The following TERF1 variants were observed in gnomAD, a reference collection of about 807,000 sequenced individuals.
The protein encoded by TERF1 is telomeric repeat-binding factor 1.
Under a neutral mutation model 55.1 loss-of-function variants are expected in TERF1, and 20 were observed. That is an observed-to-expected ratio of 0.36 (90% CI 0.26 to 0.53). TERF1 has a LOEUF of 0.53. Among genes scored for constraint, TERF1 ranks in the 20% least tolerant of loss-of-function variants. The pLI is 0.91. For synonymous variants in TERF1, 168 were observed against 181.2 expected, an observed-to-expected ratio of 0.93 and a Z score of 0.59; for missense variants, 439 against 535.7, an observed-to-expected ratio of 0.82 and a Z score of 1.78.
intron 9 of TERF1, among the ~76,000 whole-genome samples, chr8:73,040,056 C>T (rs1245513799): frequency 7.0e-6 from 1 of 142,930 alleles, no homozygotes; most frequent in African/African-American, 2.7e-5. Context: ...TGAGGTGCTG[C>T]AGATAGTGTC....
chr8:73,018,394 G>A (rs541994999), intron 2 of TERF1, among the ~76,000 whole-genome samples: 3 of 152,220 alleles, frequency 2.0e-5, no homozygotes, highest in African/African-American at 2.4e-5. Flanking sequence ...CTCTTTATTC[G>A]GTCGGGCTTG....
chr8:73,037,668 TTA>T (rs1809608752), intron 8 of TERF1, among the ~76,000 whole-genome samples: 1 of 16,298 alleles, frequency 6.1e-5, no homozygotes, highest in African/African-American at 1.5e-4. Flanking sequence ...TATAATAATA[TTA>T]TATTATATAT....
chr8:73,026,188 G>C (rs1304860614), intron 5 of TERF1, among the ~76,000 whole-genome samples: 1 of 149,380 alleles, frequency 6.7e-6, no homozygotes, highest in Non-Finnish European at 1.5e-5. Flanking sequence ...GACAAAGTGA[G>C]ACTTGTCTCA....
At chr8:73,017,573 G>A (rs1808563024) in intron 2 of TERF1, among the ~76,000 whole-genome samples, 1 of 152,186 alleles carries the variant, frequency 6.6e-6, no homozygotes, top group South Asian at 2.1e-4. Context: ...GCCCCAATTT[G>A]GATGACTTCT....
At chr8:73,017,039 G>A (rs1333335935) in intron 2 of TERF1, among the ~76,000 whole-genome samples, 1 of 152,104 alleles carries the variant, frequency 6.6e-6, no homozygotes, top group African/African-American at 2.4e-5. Context: ...TTTTCTAGCT[G>A]TAGTGTGAGT....
intron 2 of TERF1, among the ~76,000 whole-genome samples, chr8:73,020,189 T>C (rs539672928): frequency 6.6e-6 from 1 of 152,356 alleles, no homozygotes; most frequent in Middle Eastern, 3.4e-3. Flanking sequence ...ATTTGCTAAT[T>C]AGTTATCAGC....
At chr8:73,037,824 T>C (rs1809649789) in intron 8 of TERF1, among the ~76,000 whole-genome samples, 1 of 104,398 alleles carries the variant, frequency 9.6e-6, no homozygotes, top group East Asian at 2.2e-4. Context: ...ATATATAATA[T>C]ATAGTATAAT....
At chr8:73,040,727 T>C (rs531223770) in intron 9 of TERF1, among the ~76,000 whole-genome samples, 6 of 152,330 alleles carry the variant, frequency 3.9e-5, no homozygotes, top group African/African-American at 1.4e-4. Context: ...GTTCCCATTA[T>C]GATTCCAAAT....
intron 8 of TERF1, among the ~76,000 whole-genome samples, chr8:73,036,818 TTATATATAAATA>T (rs1809530859): frequency 6.8e-6 from 1 of 146,102 alleles, no homozygotes; most frequent in Admixed American, 7.0e-5. Context: ...ATTATTGTAG[TTATATATAAATA>T]TATATAATAT....
intron 2 of TERF1, among the ~76,000 whole-genome samples, chr8:73,019,209 G>C (rs9298213): frequency 0.37 from 56,700 of 151,738 alleles, 11,502 homozygotes; most frequent in Non-Finnish European, 0.46. Flanking sequence ...CCTCAGATGT[G>C]GTGTGGGGGT....
intron 9 of TERF1, among the ~76,000 whole-genome samples, chr8:73,040,880 G>A (rs967871786): frequency 3.9e-5 from 6 of 151,952 alleles, no homozygotes; most frequent in African/African-American, 1.5e-4. Flanking sequence ...TGTTTAATCT[G>A]CTTATGAGCC....
rs866286486 is a variant in TERF1, at chr8:73,044,531, G to A, written c.1144-1430G>A. The stretch of plus-strand genomic sequence containing the variant: ...AATTGAACTGGATTTTTTTTTCTTC[G>A]ATTATAGTAAAGTACACATGATATA... On this transcript the variant is annotated intron_variant, in intron 9 of 9. Coordinates refer to ENST00000276603, the MANE Select transcript of TERF1 (RefSeq NM_017489.3). Among the ~76,000 whole-genome samples, 8 of 151,248 alleles carry A rather than the reference G, an allele frequency of 5.3e-5. No individual in the cohort carries two copies. In the South Asian group the frequency reaches 6.3e-4, roughly 12 times the overall value.
At position 73,030,524 on chromosome 8, in the gene TERF1, A is replaced by C. The variant is rs531744339; in HGVS notation, c.947+129A>C. 1.4e-5 allele frequency: 8 copies of C among 557,232 alleles called. No homozygotes were observed. In the South Asian group the frequency reaches 3.2e-4, roughly 22 times the overall value. The allele number at this position is 557,232 out of a possible 1,614,324, so 34.5% of individuals were successfully genotyped here. A position where few individuals can be genotyped will look rare whatever the true frequency, so the allele number is the denominator to read the frequency against. ...ATATCTCAGGGTCCTAGTTAGCCCAACAGATAGTCACGACTCTGAGACATC... is the reference window on the plus strand; with the variant it reads ...ATATCTCAGGGTCCTAGTTAGCCCACCAGATAGTCACGACTCTGAGACATC... On this transcript the variant is annotated intron_variant, in intron 7 of 9. Coordinates refer to ENST00000276603, the MANE Select transcript of TERF1 (RefSeq NM_017489.3).
chr8:73,014,142 TAC>T (rs967019209), intron 2 of TERF1, 152 bp downstream of exon 2: 7 of 562,038 alleles, frequency 1.2e-5, no homozygotes, highest in Non-Finnish European at 2.2e-5. Context: ...TGTGTACACA[TAC>T]AGTCATATCT....
intron 8 of TERF1, among the ~76,000 whole-genome samples, chr8:73,033,230 G>A (rs1051782237): frequency 3.9e-5 from 6 of 151,910 alleles, no homozygotes; most frequent in African/African-American, 9.7e-5. Flanking sequence ...TGTAAATAGA[G>A]TTCTAAAATA....
At chr8:73,023,603 T>TGGG (rs1291179049) in intron 4 of TERF1, among the ~76,000 whole-genome samples, 3 of 152,136 alleles carry the variant, frequency 2.0e-5, no homozygotes, top group Non-Finnish European at 4.4e-5. Context: ...CATAGCACTA[T>TGGG]GAGACTACTG....
chr8:73,010,033 T>C (rs1003217202), intron 1 of TERF1: 1 of 152,130 alleles, frequency 6.6e-6, no homozygotes, highest in African/African-American at 2.4e-5. Flanking sequence ...AGCTGTAAGA[T>C]TACAGGTATG....
At chr8:73,010,200 C>CA (rs1355085887) in intron 1 of TERF1, 1 of 152,218 alleles carries the variant, frequency 6.6e-6, no homozygotes. Flanking sequence ...TGACACATTT[C>CA]ATCTTCACCA....
At chr8:73,020,471 ATGTT>A (rs1329994685) in intron 2 of TERF1, among the ~76,000 whole-genome samples, 2 of 152,282 alleles carry the variant, frequency 1.3e-5, no homozygotes, top group African/African-American at 4.8e-5. Flanking sequence ...AAATCTTCAA[ATGTT>A]TGTAATCTCA....
Sources: allele counts gnomAD v4.1 joint callset (sites outside exome capture counted in the v4.1 genomes callset), GRCh38; gene constraint gnomAD v4.1.1; transcripts MANE v1.5; gene names NCBI Gene and HGNC (gene_info 2026-07-23, HGNC 2026-07-21).